PGK1: variants seen among roughly 807,000 people sequenced by gnomAD.
PGK1 encodes the protein PRP 2.
PGK1 carries 3 observed loss-of-function variants against 26.9 expected under a neutral mutation model. The observed-to-expected ratio is 0.11, with a 90% confidence interval of 0.05 to 0.29. The LOEUF is 0.29. Among genes scored for constraint, PGK1 ranks in the 10% least tolerant of loss-of-function variants. PGK1 has a pLI of 1.00. For missense variants in PGK1, 270 were observed against 314.7 expected (o/e 0.86, Z 1.07); for synonymous variants, 125 against 115.3 (o/e 1.08, Z -0.54).
intron 2 of PGK1, among the ~76,000 whole-genome samples, chrX:78,111,870 A>C (rs1425736449): frequency 8.9e-6 from 1 of 112,451 alleles, no homozygotes; most frequent in Non-Finnish European, 1.9e-5. Context: ...GAGTTGATTA[A>C]CAAAATGAAG....
At chrX:78,113,357 C>T (rs913261521) in intron 2 of PGK1, among the ~76,000 whole-genome samples, 7 of 111,511 alleles carry the variant, frequency 6.3e-5, no homozygotes, top group Non-Finnish European at 1.1e-4. Context: ...GGCAGGTGTT[C>T]AGCATAAATC....
At chrX:78,106,348 G>C in intron 1 of PGK1, 1 of 708,279 alleles carries the variant, frequency 1.4e-6, no homozygotes, top group Non-Finnish European at 1.7e-6. Flanking sequence ...CGTTGAAATA[G>C]AACTTTCTCC....
At chrX:78,123,134 G>C in intron 7 of PGK1, 61 bp from the exon 8 acceptor site, 1 of 918,716 alleles carries the variant, frequency 1.1e-6, no homozygotes, top group East Asian at 3.1e-5. Flanking sequence ...TGTCTGCTTT[G>C]TGAGGCAGTC....
intron 1 of PGK1, among the ~76,000 whole-genome samples, chrX:78,109,084 A>G (rs1288303738): frequency 9.0e-6 from 1 of 111,488 alleles, no homozygotes; most frequent in Non-Finnish European, 1.9e-5. Context: ...AAGAATGATA[A>G]CATAGTAATC....
At chrX:78,122,142 A>G in intron 6 of PGK1, among the ~76,000 whole-genome samples, 1 of 111,565 alleles carries the variant, frequency 9.0e-6, no homozygotes, top group Non-Finnish European at 1.9e-5. Context: ...TAGGAGTTCC[A>G]GGTTACAGTG....
intron 2 of PGK1, among the ~76,000 whole-genome samples, chrX:78,112,392 T>C (rs2078305766): frequency 1.8e-5 from 2 of 112,629 alleles, no homozygotes; most frequent in African/African-American, 6.4e-5. Flanking sequence ...TCTTGATCAA[T>C]TTTAATTTCT....
intron 10 of PGK1, 141 bp downstream of exon 10, chrX:78,125,566 G>C (rs2149137270): frequency 1.8e-6 from 1 of 542,022 alleles, no homozygotes; most frequent in African/African-American, 2.3e-5. Context: ...AGGAACTTCA[G>C]ATAAAGCTCC....
intron 2 of PGK1, among the ~76,000 whole-genome samples, chrX:78,110,524 G>A (rs1031206549): frequency 2.7e-5 from 3 of 109,397 alleles, no homozygotes; most frequent in Non-Finnish European, 5.7e-5. Flanking sequence ...TGTAATCCCA[G>A]CACTTTGGAA....
At position 78,128,645 on chromosome X, in the gene PGK1, T is replaced by C. The variant is rs1027213450; in HGVS notation, c.*2815T>C. On this transcript the variant is annotated 3_prime_UTR_variant, in exon 11 of 11. Coordinates refer to ENST00000373316, the MANE Select transcript of PGK1 (RefSeq NM_000291.4). ...AAAGGTGTATGCTTTAAGTTGTAAA[T>C]TCACCTTTAACCCTAGACTATATAT... 2 of 112,533 alleles carry C rather than the reference T, an allele frequency of 1.8e-5. No individual in the cohort carries two copies. Among genetic ancestry groups the C allele is most frequent in the Non-Finnish European group, 3.7e-5 (2 of 53,349 alleles). 9.3% of individuals were successfully genotyped at this position (112,533 alleles called of 1,213,427 possible).
chrX:78,117,264 A>G, intron 4 of PGK1, 48 bp from the exon 5 acceptor site: 1 of 862,133 alleles, frequency 1.2e-6, no homozygotes, highest in Non-Finnish European at 1.7e-6. Flanking sequence ...ATGCTTTTAT[A>G]GTTGTCTTTG....
At chrX:78,110,754 TA>T (rs1438069652) in intron 2 of PGK1, among the ~76,000 whole-genome samples, 14 of 110,630 alleles carry the variant, frequency 1.3e-4, no homozygotes, top group Admixed American at 9.6e-5. Context: ...ATGGCTCAGA[TA>T]AGTCAATTTT....
chrX:78,108,826 A>G (rs1385465137), intron 1 of PGK1, among the ~76,000 whole-genome samples: 1 of 112,036 alleles, frequency 8.9e-6, no homozygotes, highest in East Asian at 2.8e-4. Flanking sequence ...GGAGAAACAT[A>G]TAACAACAAC....
In PGK1 at chrX:78,118,221, A is replaced by G. The variant is rs144954339; in HGVS notation, c.641+51A>G. ...CTTTAAGTATTGTTTGCCTGGTAGT[A>G]GGCCATAACTTGGGTGGTTTATTGT... On this transcript the variant is annotated intron_variant, in intron 6 of 10. Coordinates refer to ENST00000373316, the MANE Select transcript of PGK1 (RefSeq NM_000291.4). 6.3e-4 allele frequency: 733 copies of G among 1,170,223 alleles called. 3 individuals are homozygous for G. In the African/African-American group the frequency reaches 0.011, roughly 17 times the overall value.
chrX:78,123,505 T>A (rs1557248286), intron 8 of PGK1, 131 bp downstream of exon 8: 2 of 543,361 alleles, frequency 3.7e-6, no homozygotes, highest in Admixed American at 5.4e-5. Flanking sequence ...GGGCTCTGCA[T>A]GTTGCAGTGA....
chrX:78,106,608 T>C (rs2078273818), intron 1 of PGK1: 13 of 752,738 alleles, frequency 1.7e-5, no homozygotes, highest in Non-Finnish European at 2.0e-5. Flanking sequence ...AGAAGTGAAC[T>C]ATGGTATTTG....
At chrX:78,117,202 C>G (rs1444411151) in intron 4 of PGK1, 110 bp from the exon 5 acceptor site, 1 of 563,860 alleles carries the variant, frequency 1.8e-6, no homozygotes, top group African/African-American at 2.3e-5. Context: ...AAATCGCTGT[C>G]CCACCTACTC....
At chrX:78,114,553 C>T (rs1414418054) in intron 4 of PGK1, among the ~76,000 whole-genome samples, 1 of 102,790 alleles carries the variant, frequency 9.7e-6, no homozygotes, top group South Asian at 4.6e-4. Flanking sequence ...GTACAGGTAT[C>T]GACTTATTTC....
chrX:78,104,823 A>G (rs1459536515), intron 1 of PGK1, among the ~76,000 whole-genome samples: 1 of 111,884 alleles, frequency 8.9e-6, no homozygotes, highest in Non-Finnish European at 1.9e-5. Context: ...CGTCGCAGCC[A>G]AATGAGAAAC....
intron 2 of PGK1, among the ~76,000 whole-genome samples, chrX:78,111,129 G>C (rs797032039): frequency 9.3e-6 from 1 of 107,675 alleles, no homozygotes; most frequent in South Asian, 4.1e-4. Context: ...CTGTCGCCCA[G>C]GCTGGAGTGC....
Sources: allele counts gnomAD v4.1 joint callset (sites outside exome capture counted in the v4.1 genomes callset), GRCh38; gene constraint gnomAD v4.1.1; transcripts MANE v1.5; gene names NCBI Gene and HGNC (gene_info 2026-07-23, HGNC 2026-07-21).